BTNL9: variants seen among roughly 807,000 people sequenced by gnomAD.
BTNL9 encodes butyrophilin like 9, also known as butyrophilin-like protein 9.
A neutral mutation model predicts 45.8 loss-of-function variants in BTNL9; 45 were observed. That is an observed-to-expected ratio of 0.98 (90% CI 0.77 to 1.26). BTNL9 has a LOEUF of 1.26. BTNL9 is among the 50% of genes most tolerant of loss of function. The pLI is 0.00. For missense variants in BTNL9, 784 were observed against 729.7 expected (o/e 1.07, Z -0.86); for synonymous variants, 346 against 330.8 (o/e 1.05, Z -0.50).
chr5:181,048,401 C>T (rs542386718), intron 3 of BTNL9, 130 bp downstream of exon 3: 2 of 833,500 alleles, frequency 2.4e-6, no homozygotes, highest in Admixed American at 2.9e-5. Context: ...TGGATAGGTC[C>T]ATTCTCAAAT....
intron 2 of BTNL9, among the ~76,000 whole-genome samples, chr5:181,047,157 G>A (rs1210503042): frequency 6.6e-6 from 1 of 152,194 alleles, no homozygotes; most frequent in Non-Finnish European, 1.5e-5. Context: ...GAGTGCCTGT[G>A]GGGTGGCAGG....
intron 2 of BTNL9, among the ~76,000 whole-genome samples, chr5:181,046,383 G>A (rs1172589350): frequency 2.0e-5 from 3 of 152,124 alleles, no homozygotes; most frequent in South Asian, 2.1e-4. Context: ...CACAGGCATA[G>A]CAGGGAGCAG....
At position 181,050,997 on chromosome 5, in the gene BTNL9, G is replaced by A. The variant is rs1199043929; in HGVS notation, c.736+628G>A. Among the ~76,000 whole-genome samples, 1 of 149,758 alleles carries A rather than the reference G, an allele frequency of 6.7e-6. No individual in the cohort carries two copies. The highest frequency in any genetic ancestry group is 2.5e-5 in the African/African-American group (1 of 40,590). ...AGCTACTCGGGAGGCTGAGGCAGGA[G>A]AATCGCTTGAACCGGGGGGCAGAGG... On this transcript the variant is annotated intron_variant, in intron 4 of 10. Transcript: ENST00000327705. The surrounding 1 kb of genome is among the most constrained non-coding windows in gnomAD (Gnocchi z 4.9).
rs1761064516 is a variant in BTNL9 at position 181,045,611 on chromosome 5, C to A, written c.109+13C>A. ...GAGCCGAGCTCAGGTATTGTGTCTG[C>A]AGCCTAGCTGGCCAGGATGTGAACG... On this transcript the variant is annotated intron_variant, in intron 2 of 10. Coordinates refer to ENST00000327705, the MANE Select transcript of BTNL9 (RefSeq NM_152547.5). 1 of 1,597,138 alleles carries A rather than the reference C, an allele frequency of 6.3e-7. No individual in the cohort carries two copies.
At position 181,056,031 on chromosome 5, in the gene BTNL9, C is replaced by G. The variant is rs756566929; in HGVS notation, c.955+16C>G. The G allele has an allele frequency of 1.9e-6, 3 of 1,613,422 alleles. No homozygotes were observed. Among genetic ancestry groups the G allele is most frequent in the Non-Finnish European group, 2.5e-6 (3 of 1,179,608 alleles). ...GGCCAGGCTGGTGAGTGGAACCCATCTCTCTCTGACTCCTCCTCATTTATA... is the reference window on the plus strand; with the variant it reads ...GGCCAGGCTGGTGAGTGGAACCCATGTCTCTCTGACTCCTCCTCATTTATA... On this transcript the variant is annotated intron_variant, in intron 9 of 10. Coordinates refer to ENST00000327705, the MANE Select transcript of BTNL9 (RefSeq NM_152547.5).
At position 181,059,331 on chromosome 5, in the gene BTNL9, G is replaced by T; in HGVS notation, c.1077G>T (p.Pro359=). The T allele has an allele frequency of 6.5e-7, 1 of 1,549,940 alleles. No homozygotes were observed. The highest frequency in any genetic ancestry group is 8.7e-7 in the Non-Finnish European group (1 of 1,151,684). ...CTTCCCGCGGGGCGCCGCCAGGCCC[G>T]GCGCCTGGCCACCCGCAGCGGTTCT... ...SVSSRGAPPG[P]APGHPQRFSE... Residue 359 remains proline, a synonymous_variant, in exon 11 of 11, where the codon CCG becomes CCT. Transcript: ENST00000327705.
chr5:181,053,332 G>T lies in BTNL9; in HGVS notation c.853+16G>T. ...AGAAGCCGAGGTACCGGCGCGGGCG[G>T]CGGGGCGGGGAGGGGCACCGGCCGG... On this transcript the variant is annotated intron_variant, in intron 5 of 10. Transcript: ENST00000327705. This position sits in a 1 kb window ranked among gnomAD's most constrained non-coding sequence, Gnocchi z 6.5. The T allele has an allele frequency of 6.5e-7, 1 of 1,533,604 alleles. No individual in the cohort carries two copies. The highest frequency in any genetic ancestry group is 2.6e-5 in the East Asian group (1 of 38,096). The allele number at this position is 1,533,604 out of a possible 1,614,324, so 95.0% of individuals were successfully genotyped here. A position where few individuals can be genotyped will look rare whatever the true frequency, so the allele number is the denominator to read the frequency against.
chr5:181,053,672 G>A lies in BTNL9; in HGVS notation c.886+171G>A. 5 of 1,522,940 alleles carry A rather than the reference G, an allele frequency of 3.3e-6. No individual in the cohort carries two copies. The highest frequency in any genetic ancestry group is 4.4e-6 in the Non-Finnish European group (5 of 1,132,160). 94.3% of individuals were successfully genotyped at this position (1,522,940 alleles called of 1,614,324 possible). On this transcript the variant is annotated intron_variant, in intron 6 of 10. Coordinates refer to ENST00000327705, the MANE Select transcript of BTNL9 (RefSeq NM_152547.5). This position sits in a 1 kb window ranked among gnomAD's most constrained non-coding sequence, Gnocchi z 6.5. ...GGGGAAGGGGGAAGATCGTTCATAT[G>A]GACAAAAGCGGAGGTGCGGAACGGC...
intron 7 of BTNL9, chr5:181,054,884 C>T (rs1192038845): frequency 1.0e-6 from 1 of 985,362 alleles, no homozygotes; most frequent in Admixed American, 6.1e-5. Context: ...AGTCATAACA[C>T]TATAGCATGA....
rs1375863283 is a variant in BTNL9, at chr5:181,053,265, G to C, written c.802G>C (p.Val268Leu). 1 of 1,588,612 alleles carries C rather than the reference G, an allele frequency of 6.3e-7. No individual in the cohort carries two copies. Among genetic ancestry groups the C allele is most frequent in the Non-Finnish European group, 8.6e-7 (1 of 1,168,742 alleles). ...AFVATLPLLL[V>L]LAALALGVLR... ...CGTCGCGACCCTGCCGCTGCTGTTG[G>C]TCCTCGCGGCGCTGGCGCTGGGCGT... Residue 268 changes from valine (V) to leucine (L), a missense_variant, in exon 5 of 11, where the codon GTC becomes CTC. By Grantham distance (32) the Val-to-Leu change is conservative. Transcript: ENST00000327705. This position sits in a 1 kb window ranked among gnomAD's most constrained non-coding sequence, Gnocchi z 6.5.
At chr5:181,058,309 CTG>C (rs758637128) in intron 9 of BTNL9, 41 bp from the exon 10 acceptor site, 7 of 1,612,500 alleles carry the variant, frequency 4.3e-6, no homozygotes, top group African/African-American at 2.7e-5. Context: ...GAGTTACTGA[CTG>C]AGATTTCTGA....
chr5:181,054,500 T>A (rs1761773001), intron 7 of BTNL9: 42 of 985,484 alleles, frequency 4.3e-5, no homozygotes, highest in Non-Finnish European at 4.9e-5. Flanking sequence ...ACAATTCAGT[T>A]AAAATTCATC....
rs868193784 is a variant in BTNL9 at position 181,049,138 on chromosome 5, G to A, written c.454+867G>A. ...TGGAATTCAAAGTTGGAAAGCTCCCGGACAGGGAAATTTGGTAATACTTAA... is the reference window on the plus strand; with the variant it reads ...TGGAATTCAAAGTTGGAAAGCTCCCAGACAGGGAAATTTGGTAATACTTAA... On this transcript the variant is annotated intron_variant, in intron 3 of 10. Transcript: ENST00000327705. 9.9e-5 allele frequency among the ~76,000 whole-genome samples: 15 copies of A among 151,722 alleles called. 1 individual carries two copies. The highest frequency in any genetic ancestry group is 8.3e-4 in the South Asian group (4 of 4,812).
intron 3 of BTNL9, among the ~76,000 whole-genome samples, chr5:181,048,794 T>C (rs62405403): frequency 3.0e-5 from 1 of 32,860 alleles, no homozygotes; most frequent in Non-Finnish European, 6.8e-5. Context: ...AATTATATAG[T>C]TATATATTAT....
chr5:181,056,830 T>C (rs1261071214), intron 9 of BTNL9: 6 of 540,892 alleles, frequency 1.1e-5, no homozygotes, highest in African/African-American at 3.8e-5. Context: ...TCAGTGGGGA[T>C]AAGTGATGGC....
intron 9 of BTNL9, 114 bp downstream of exon 9, chr5:181,056,129 C>T: frequency 2.5e-6 from 3 of 1,196,630 alleles, no homozygotes; most frequent in Non-Finnish European, 3.7e-6. Context: ...TGGCCTCACA[C>T]AGCATGTGTT....
In BTNL9 at chr5:181,053,063, C is replaced by T. The variant is rs978071399; in HGVS notation, c.737-137C>T. 18 of 619,894 alleles carry T rather than the reference C, an allele frequency of 2.9e-5. No homozygotes were observed. The highest frequency in any genetic ancestry group is 1.2e-5 in the Non-Finnish European group (5 of 402,770). 38.4% of individuals were successfully genotyped at this position (619,894 alleles called of 1,614,324 possible). On this transcript the variant is annotated intron_variant, in intron 4 of 10. Coordinates refer to ENST00000327705, the MANE Select transcript of BTNL9 (RefSeq NM_152547.5). This position sits in a 1 kb window ranked among gnomAD's most constrained non-coding sequence, Gnocchi z 6.5. ...CCGCCGCGCGCGCTCCCGCTCCACG[C>T]CCGTTTCCCAGGCGGCTGCGGTGGC... is the stretch of plus-strand genomic sequence containing the variant.
At chr5:181,049,322 C>T (rs1431967098) in intron 3 of BTNL9, among the ~76,000 whole-genome samples, 1 of 152,088 alleles carries the variant, frequency 6.6e-6, no homozygotes, top group Non-Finnish European at 1.5e-5. Context: ...ACCTAAATGT[C>T]CAAGCATAAA....
At chr5:181,051,093 A>AC (rs1322297826) in intron 4 of BTNL9, among the ~76,000 whole-genome samples, 1 of 151,580 alleles carries the variant, frequency 6.6e-6, no homozygotes, top group Non-Finnish European at 1.5e-5. Context: ...AAAAAACAAA[A>AC]AAAAAAAAAA....
Sources: gnomAD v4.1 joint callset for allele counts (sites outside exome capture counted in the v4.1 genomes callset) on GRCh38, gnomAD v4.1.1 for gene constraint, Gnocchi (gnomAD v3.1) non-coding constraint, MANE v1.5 for transcripts, NCBI Gene and HGNC (gene_info 2026-07-23, HGNC 2026-07-21) for gene names.